DMD: variants seen among roughly 807,000 people sequenced by gnomAD.
DMD encodes the protein dystrophin, also known as mutant dystrophin.
DMD carries 63 observed loss-of-function variants against 330.1 expected under a neutral mutation model. The observed-to-expected ratio is 0.19, with a 90% CI of 0.16 to 0.24. DMD has a LOEUF of 0.24. Ranked by LOEUF, DMD falls within the 10% of genes least tolerant of loss-of-function variation. The probability of loss-of-function intolerance (pLI) is 1.00; values close to 1 mark genes in which losing one functional copy is unlikely to be tolerated. For missense variants in DMD, 3,344 were observed against 2,684.1 expected (o/e 1.25, Z -5.43); for synonymous variants, 1,223 against 959.8 (o/e 1.27, Z -5.07).
intron 2 of DMD, among the ~76,000 whole-genome samples, chrX:32,948,745 CT>C (rs1436106919): frequency 9.0e-6 from 1 of 111,596 alleles, no homozygotes; most frequent in East Asian, 2.8e-4. Context: ...GGGATGAGAA[CT>C]TTAGATACAT....
intron 44 of DMD, among the ~76,000 whole-genome samples, chrX:32,000,749 TA>T (rs776229419): frequency 1.8e-5 from 2 of 112,006 alleles, no homozygotes; most frequent in Non-Finnish European, 3.8e-5. Flanking sequence ...CATGTGGCTA[TA>T]TAAATTTAAA....
chrX:32,637,894 T>A (rs1309199127), intron 11 of DMD, among the ~76,000 whole-genome samples: 1 of 111,869 alleles, frequency 8.9e-6, no homozygotes, highest in African/African-American at 3.2e-5. Context: ...CCAAACCATA[T>A]CAGCATTATT....
At chrX:31,240,661 G>T (rs1453092771) in intron 63 of DMD, among the ~76,000 whole-genome samples, 1 of 109,958 alleles carries the variant, frequency 9.1e-6, no homozygotes, top group African/African-American at 3.3e-5. Flanking sequence ...TAGTAATAAT[G>T]GTTATCATTT....
intron 41 of DMD, among the ~76,000 whole-genome samples, chrX:32,328,778 AAAAG>A (rs998214126): frequency 4.5e-5 from 5 of 111,807 alleles, no homozygotes; most frequent in African/African-American, 1.6e-4. Context: ...AGAAGAAAGA[AAAAG>A]AAAGGCCATT....
chrX:31,535,986 C>A (rs1201118877), intron 55 of DMD, among the ~76,000 whole-genome samples: 1 of 111,953 alleles, frequency 8.9e-6, no homozygotes, highest in Non-Finnish European at 1.9e-5. Flanking sequence ...TAATTTAACA[C>A]CTAGAAAATC....
intron 42 of DMD, among the ~76,000 whole-genome samples, chrX:32,306,729 C>A (rs1023196936): frequency 1.8e-5 from 2 of 110,223 alleles, no homozygotes; most frequent in Non-Finnish European, 3.8e-5. Context: ...TTCCTCCCTT[C>A]CTTCCTCCTC....
At chrX:32,491,062 T>C (rs902020008) in intron 20 of DMD, among the ~76,000 whole-genome samples, 2 of 112,739 alleles carry the variant, frequency 1.8e-5, no homozygotes, top group East Asian at 2.8e-4. Context: ...CAATTAGCGC[T>C]GTGTAACTAC....
chrX:33,302,001 T>C (rs1371685134), intron 1 of DMD, among the ~76,000 whole-genome samples: 1 of 112,044 alleles, frequency 8.9e-6, no homozygotes. Flanking sequence ...ATATTCATTT[T>C]TCTACACACA....
At chrX:32,369,634 C>A (rs1320825171) in intron 34 of DMD, among the ~76,000 whole-genome samples, 1 of 111,189 alleles carries the variant, frequency 9.0e-6, no homozygotes, top group Non-Finnish European at 1.9e-5. Context: ...AACCTCTATT[C>A]TCTCCTCCAC....
chrX:32,210,243 G>A (rs939307851), intron 44 of DMD, among the ~76,000 whole-genome samples: 2 of 111,735 alleles, frequency 1.8e-5, no homozygotes, highest in Non-Finnish European at 3.8e-5. Context: ...TAAATTTTCC[G>A]GCTGATTCCC....
intron 11 of DMD, among the ~76,000 whole-genome samples, chrX:32,628,753 CCTT>C (rs1320895299): frequency 9.0e-6 from 1 of 111,294 alleles, no homozygotes; most frequent in Non-Finnish European, 1.9e-5. Flanking sequence ...TCTATAGTTT[CCTT>C]CTTAACTTCT....
intron 1 of DMD, among the ~76,000 whole-genome samples, chrX:33,189,742 C>T (rs2050440047): frequency 9.0e-6 from 1 of 111,385 alleles, no homozygotes; most frequent in Non-Finnish European, 1.9e-5. Context: ...CATGACCTTA[C>T]ATACATCACG....
At chrX:31,619,899 A>C (rs2078430334) in intron 55 of DMD, among the ~76,000 whole-genome samples, 1 of 111,970 alleles carries the variant, frequency 8.9e-6, no homozygotes, top group South Asian at 3.7e-4. Context: ...AGCTAAACTC[A>C]TATTGCATTA....
chrX:32,414,761 T>G (rs2098159896), intron 29 of DMD, among the ~76,000 whole-genome samples: 2 of 112,290 alleles, frequency 1.8e-5, no homozygotes, highest in Non-Finnish European at 1.9e-5. Context: ...TGTTTTTGTA[T>G]TAAAAGTGTC....
intron 74 of DMD, among the ~76,000 whole-genome samples, chrX:31,165,725 T>G (rs914019873): frequency 1.8e-5 from 2 of 112,116 alleles, no homozygotes; most frequent in Non-Finnish European, 1.9e-5. Flanking sequence ...CTTTGCCAAA[T>G]AAAGATGTAT....
intron 33 of DMD, among the ~76,000 whole-genome samples, chrX:32,382,986 C>T (rs947288068): frequency 7.2e-5 from 8 of 110,610 alleles, no homozygotes; most frequent in South Asian, 3.7e-4. Context: ...CATTGTTTCA[C>T]GAAGTTAACA....
At chrX:33,074,430 CT>C (rs1314733582) in intron 1 of DMD, among the ~76,000 whole-genome samples, 1 of 94,896 alleles carries the variant, frequency 1.1e-5, no homozygotes, top group Admixed American at 1.2e-4. Flanking sequence ...TTTTTTTTGT[CT>C]TTTAGCATCA....
In DMD at chrX:32,773,519, T is replaced by A. The variant is rs747284658; in HGVS notation, c.649+35974A>T. Among the ~76,000 whole-genome samples, 20 of 95,998 alleles carry A rather than the reference T, an allele frequency of 2.1e-4. No homozygotes were observed. In the South Asian group the frequency reaches 8.5e-3, roughly 41 times the overall value. The allele number at this position is 95,998 out of a possible 115,157, so 83.4% of individuals were successfully genotyped here. A position where few individuals can be genotyped will look rare whatever the true frequency, so the allele number is the denominator to read the frequency against. ...TCTATCTAACTATATACTTTTTATT[T>A]TTTTTTTTTTTTTTACCTATTTACC... is the stretch of plus-strand genomic sequence containing the variant. On this transcript the variant is annotated intron_variant, in intron 7 of 78. Coordinates refer to ENST00000357033, the MANE Select transcript of DMD (RefSeq NM_004006.3).
intron 1 of DMD, among the ~76,000 whole-genome samples, chrX:33,309,937 G>A (rs2053824161): frequency 9.0e-6 from 1 of 110,862 alleles, no homozygotes; most frequent in African/African-American, 3.3e-5. Flanking sequence ...ATTTATTTTA[G>A]TCATTCATTA....
Sources: gnomAD v4.1 joint callset for allele counts (sites outside exome capture counted in the v4.1 genomes callset) on GRCh38, gnomAD v4.1.1 for gene constraint, MANE v1.5 for transcripts, NCBI Gene and HGNC (gene_info 2026-07-23, HGNC 2026-07-21) for gene names.